TTC21B: variants seen among roughly 807,000 people sequenced by gnomAD.
The protein encoded by TTC21B is tetratricopeptide repeat domain 21B.
In TTC21B, 127 loss-of-function variants were observed where a neutral mutation model predicts 175.1. The observed-to-expected ratio is 0.73, with a 90% confidence interval of 0.63 to 0.84. The LOEUF (loss-of-function observed/expected upper bound fraction) is 0.84. Ranked by LOEUF, TTC21B falls within the 40% of genes least tolerant of loss-of-function variation. The pLI is 0.00. For missense variants in TTC21B, 1,561 were observed against 1,558.3 expected (o/e 1.00, Z -0.03); for synonymous variants, 524 against 524.5 (o/e 1.00, Z 0.01).
At chr2:165,920,754 T>C (rs953224122) in intron 12 of TTC21B, among the ~76,000 whole-genome samples, 3 of 149,028 alleles carry the variant, frequency 2.0e-5, no homozygotes, top group African/African-American at 7.8e-5. Context: ...ACTAAATATT[T>C]AAAATATTTT....
intron 5 of TTC21B, among the ~76,000 whole-genome samples, chr2:165,942,407 T>C (rs1485754332): frequency 1.3e-5 from 2 of 152,184 alleles, no homozygotes; most frequent in Non-Finnish European, 2.9e-5. Flanking sequence ...ACTCCTTCAA[T>C]TGCTCATCCC....
rs1288215734 is a variant in TTC21B at position 165,874,799 on chromosome 2, T to C, written c.3907A>G (p.Arg1303Gly). 6.2e-6 allele frequency: 10 copies of C among 1,613,674 alleles called. No individual in the cohort carries two copies. Among genetic ancestry groups the C allele is most frequent in the Non-Finnish European group, 7.6e-6 (9 of 1,179,826 alleles). The change falls in exon 29 of 29, where the codon AGA (arginine) becomes GGA (glycine). Residue 1303 changes from arginine (R) to glycine (G), a missense_variant. Transcript: ENST00000243344. ...CGGGCCTTATCAAGTATATCCTTTC[T>C]GATTTTTGGATAAGTTGGATGTGCT... ...LEAHPTYPKI[R>G]KDILDKARAS... is the part of the protein sequence containing the mutation.
chr2:165,938,766 G>T (rs962599083), intron 6 of TTC21B, among the ~76,000 whole-genome samples: 1 of 151,970 alleles, frequency 6.6e-6, no homozygotes, highest in Non-Finnish European at 1.5e-5. Context: ...AAGGAAGGGA[G>T]AGGGAAAGAA....
intron 3 of TTC21B, chr2:165,948,681 T>C (rs1213348065): frequency 6.6e-6 from 1 of 152,232 alleles, no homozygotes. Flanking sequence ...CCTTCGCCAT[T>C]AACTATACAT....
In TTC21B at chr2:165,949,488, A is replaced by G. The variant is rs1281389143; in HGVS notation, c.168T>C (p.Ala56=). 6.2e-7 allele frequency: 1 copy of G among 1,613,886 alleles called. No homozygotes were observed. The highest frequency in any genetic ancestry group is 1.3e-5 in the African/African-American group (1 of 75,052). The change falls in exon 3 of 29, where the codon GCT becomes GCC. Residue 56 remains alanine, a synonymous_variant. Transcript: ENST00000243344. ...GTLMEGKTQE[A]LREFEAIKNK... is the part of the protein sequence containing the mutation. Reference sequence around the variant, plus strand: ...TTTTAATAGCCTCAAATTCTCGAAGAGCTTCTTGAGTTTTACCTGAAAATC... The same window carrying G: ...TTTTAATAGCCTCAAATTCTCGAAGGGCTTCTTGAGTTTTACCTGAAAATC...
At chr2:165,885,742 T>G (rs897667493) in intron 25 of TTC21B, among the ~76,000 whole-genome samples, 6 of 152,234 alleles carry the variant, frequency 3.9e-5, no homozygotes, top group African/African-American at 1.4e-4. Flanking sequence ...CTTCACAACT[T>G]GATTACTCCT....
rs760920750 is a variant in TTC21B at position 165,929,200 on chromosome 2, C to T, written c.1321G>A (p.Glu441Lys). 1.2e-6 allele frequency: 2 copies of T among 1,612,996 alleles called. No individual in the cohort carries two copies. Among genetic ancestry groups the T allele is most frequent in the Admixed American group, 1.7e-5 (1 of 59,896 alleles). ...AACAAGAAATCAGGATTTAGCTTTTCAAAATACTGTATGCCAAGAGGCAAA... is the reference window on the plus strand; with the variant it reads ...AACAAGAAATCAGGATTTAGCTTTTTAAAATACTGTATGCCAAGAGGCAAA... Reference protein sequence around the residue: ...EGLPLGIQYFEKLNPDFLLEI... With the variant: ...EGLPLGIQYFKKLNPDFLLEI... The change falls in exon 11 of 29, where the codon GAA becomes AAA. Residue 441 changes from glutamate (E) to lysine (K), a missense_variant. Physicochemically the swap from Glu to Lys is moderately conservative, Grantham distance 56. Coordinates refer to ENST00000243344, the MANE Select transcript of TTC21B (RefSeq NM_024753.5).
chr2:165,892,062 C>G (rs1049500991), intron 22 of TTC21B, among the ~76,000 whole-genome samples: 2 of 152,062 alleles, frequency 1.3e-5, no homozygotes, highest in Non-Finnish European at 2.9e-5. Flanking sequence ...AAACAATCTT[C>G]TAAAACGTGA....
intron 9 of TTC21B, 36 bp downstream of exon 9, chr2:165,930,136 C>T (rs1021257725): frequency 1.3e-6 from 2 of 1,583,810 alleles, no homozygotes; most frequent in African/African-American, 1.3e-5. Context: ...CTACTTGTAT[C>T]TATATTATAA....
At chr2:165,929,437 A>T in intron 10 of TTC21B, 102 bp from the exon 11 acceptor site, 1 of 1,051,212 alleles carries the variant, frequency 9.5e-7, no homozygotes, top group Middle Eastern at 3.0e-4. Context: ...ATATGCAATT[A>T]TTTGTTCAAA....
At position 165,898,570 on chromosome 2, in the gene TTC21B, G is replaced by T. The variant is rs1685448195; in HGVS notation, c.2950+116C>A. 2.0e-5 allele frequency: 15 copies of T among 746,528 alleles called. No homozygotes were observed. In the South Asian group the frequency reaches 2.2e-4, roughly 11 times the overall value. The allele number at this position is 746,528 out of a possible 1,614,324, so 46.2% of individuals were successfully genotyped here. ...CTCAAGCCCATGTGTGGAATAAACA[G>T]ACAGTCTGATTCAACTAGGGACGGA... On this transcript the variant is annotated intron_variant, in intron 22 of 28. Coordinates refer to ENST00000243344, the MANE Select transcript of TTC21B (RefSeq NM_024753.5).
At chr2:165,898,523 T>C (rs1397150547) in intron 22 of TTC21B, 163 bp downstream of exon 22, 6 of 683,956 alleles carry the variant, frequency 8.8e-6, no homozygotes, top group Non-Finnish European at 1.6e-5. Context: ...GTGTTGCAAT[T>C]TCCTTATAGC....
At chr2:165,894,924 AC>A (rs1685314091) in intron 22 of TTC21B, among the ~76,000 whole-genome samples, 1 of 152,184 alleles carries the variant, frequency 6.6e-6, no homozygotes, top group Admixed American at 6.5e-5. Context: ...GATTAGGGTT[AC>A]CAACTCATCC....
chr2:165,906,814 G>A (rs955760282), intron 19 of TTC21B, among the ~76,000 whole-genome samples: 2 of 151,944 alleles, frequency 1.3e-5, no homozygotes, highest in East Asian at 1.9e-4. Context: ...AATTAGCTGG[G>A]CATGGTGGTG....
At chr2:165,909,445 A>C (rs946833878) in intron 18 of TTC21B, among the ~76,000 whole-genome samples, 1 of 152,124 alleles carries the variant, frequency 6.6e-6, no homozygotes, top group Non-Finnish European at 1.5e-5. Context: ...CTGATGAAGA[A>C]AAGACAGCCC....
At chr2:165,907,814 A>C in intron 18 of TTC21B, 30 bp from the exon 19 acceptor site, 1 of 1,406,490 alleles carries the variant, frequency 7.1e-7, no homozygotes, top group Non-Finnish European at 1.0e-6. Flanking sequence ...AATGCAAAAA[A>C]TTATTCATCT....
chr2:165,875,139 G>A (rs183630050), intron 28 of TTC21B, among the ~76,000 whole-genome samples: 3 of 152,214 alleles, frequency 2.0e-5, no homozygotes, highest in African/African-American at 7.2e-5. Flanking sequence ...TTGTAATTTA[G>A]CTTTTCATTC....
At chr2:165,928,884 T>C (rs1421235369) in intron 11 of TTC21B, 1 of 449,206 alleles carries the variant, frequency 2.2e-6, no homozygotes, top group Non-Finnish European at 4.1e-6. Flanking sequence ...AGATGCCTTT[T>C]AATATTTCTT....
intron 17 of TTC21B, among the ~76,000 whole-genome samples, 170 bp from the exon 18 acceptor site, chr2:165,911,635 GATC>G (rs1685946442): frequency 6.6e-6 from 1 of 151,552 alleles, no homozygotes; most frequent in Admixed American, 6.6e-5. Flanking sequence ...TCAGAGAATA[GATC>G]ATCACATGAA....
Sources: allele counts gnomAD v4.1 joint callset (sites outside exome capture counted in the v4.1 genomes callset), GRCh38; gene constraint gnomAD v4.1.1; transcripts MANE v1.5; gene names NCBI Gene and HGNC (gene_info 2026-07-23, HGNC 2026-07-21).